The following CYP4A11 variants were observed in gnomAD, a reference collection of about 807,000 sequenced individuals.
CYP4A11 encodes the protein cytochrome P450 4A11.
In CYP4A11, 52 loss-of-function variants were observed where a neutral mutation model predicts 57.7. The ratio of observed to expected loss-of-function variants is 0.90; its 90% CI spans 0.72 to 1.14. The LOEUF (loss-of-function observed/expected upper bound fraction) is 1.14. Among genes scored for constraint, CYP4A11 ranks in the 50% most tolerant of loss-of-function variants. CYP4A11 has a pLI of 0.00. For missense variants in CYP4A11, 641 were observed against 642.1 expected (o/e 1.00, Z 0.02); for synonymous variants, 228 against 247.1 (o/e 0.92, Z 0.72).
rs967146597 is a variant in CYP4A11, at chr1:46,929,888, T to C, written c.*227A>G. On this transcript the variant is annotated 3_prime_UTR_variant, in exon 12 of 12. Transcript: ENST00000310638. The stretch of plus-strand genomic sequence containing the variant: ...CAGACATGCAAGCTCGGCCTCAGCT[T>C]CTCCCAACACTCAGCTTTTCTCCCA... The C allele has an allele frequency of 1.8e-6, 1 of 548,028 alleles. No homozygotes were observed. Among genetic ancestry groups the C allele is most frequent in the Non-Finnish European group, 3.2e-6 (1 of 310,440 alleles). The allele number at this position is 548,028 out of a possible 1,614,324, so 33.9% of individuals were successfully genotyped here.
chr1:46,933,219 A>C (rs1001481904), intron 9 of CYP4A11, among the ~76,000 whole-genome samples, 172 bp from the exon 10 acceptor site: 9 of 152,220 alleles, frequency 5.9e-5, no homozygotes, highest in African/African-American at 2.2e-4. Context: ...AAAGCATGTG[A>C]GTTCAGATGA....
Position 46,941,441 on chromosome 1 carries a change from C to T in CYP4A11, c.-8G>A. On this transcript the variant is annotated 5_prime_UTR_variant, in exon 1 of 12. Transcript: ENST00000310638. ...CAGCACAGAGACACTCATGGTGCAG[C>T]ACCTGCTGGATCTCTGAGTGCCCCT... 1 of 1,612,258 alleles carries T rather than the reference C, an allele frequency of 6.2e-7. No homozygotes were observed. The highest frequency in any genetic ancestry group is 1.1e-5 in the South Asian group (1 of 90,852).
chr1:46,936,609 G>C (rs1406969192), intron 4 of CYP4A11, 55 bp downstream of exon 4: 1 of 1,523,186 alleles, frequency 6.6e-7, no homozygotes, highest in Non-Finnish European at 8.8e-7. Flanking sequence ...GAGTGGAGTT[G>C]GTGAGAGTGT....
chr1:46,933,476 C>A (rs765835292), intron 9 of CYP4A11, among the ~76,000 whole-genome samples: 23 of 152,316 alleles, frequency 1.5e-4, no homozygotes, highest in Admixed American at 2.6e-4. Context: ...TAGGTTATGG[C>A]AGGACTGGGA....
chr1:46,937,572 G>A (rs1440897926), intron 2 of CYP4A11, among the ~76,000 whole-genome samples: 1 of 152,194 alleles, frequency 6.6e-6, no homozygotes, highest in Non-Finnish European at 1.5e-5. Context: ...GTGAATTGGT[G>A]AGAAACATAG....
chr1:46,935,414 C>G, intron 5 of CYP4A11, 109 bp downstream of exon 5: 1 of 1,517,790 alleles, frequency 6.6e-7, no homozygotes, highest in South Asian at 1.3e-5. Flanking sequence ...CAGGGACTGA[C>G]TCTTCCTTTG....
chr1:46,941,343 G>T lies in CYP4A11; in HGVS notation c.91C>A (p.Leu31Met). Reference sequence around the variant, plus strand: ...AGGTAGAGCTGAACTGCCTTGATCAGCAGCAGAAGCAGAATGAGCAGGGAG... The same window carrying T: ...AGGTAGAGCTGAACTGCCTTGATCATCAGCAGAAGCAGAATGAGCAGGGAG... ...AASLLILLLLLIKAVQLYLHR... is the reference protein window; with the variant it reads ...AASLLILLLLMIKAVQLYLHR... Residue 31 changes from leucine to methionine, a missense_variant, in exon 1 of 12, where the codon CTG becomes ATG. By Grantham distance (15) the Leu-to-Met change is conservative. Transcript: ENST00000310638. The T allele has an allele frequency of 6.2e-7, 1 of 1,614,176 alleles. No individual in the cohort carries two copies. The highest frequency in any genetic ancestry group is 8.5e-7 in the Non-Finnish European group (1 of 1,180,034).
Position 46,937,482 on chromosome 1 carries a change from A to G in CYP4A11, c.338-136T>C, listed in dbSNP as rs542231230. ...TCCCACTTGACTCCCATCCACTTCT[A>G]TTTCTGTCCTGAAGGTCAGTGTGGG... On this transcript the variant is annotated intron_variant, in intron 2 of 11. Coordinates refer to ENST00000310638, the MANE Select transcript of CYP4A11 (RefSeq NM_000778.4). 48 of 889,148 alleles carry G rather than the reference A, an allele frequency of 5.4e-5. No homozygotes were observed. The South Asian group carries it at 7.6e-4, about 14-fold the overall frequency. The allele number at this position is 889,148 out of a possible 1,614,324, so 55.1% of individuals were successfully genotyped here.
Position 46,935,656 on chromosome 1 carries a change from G to T in CYP4A11, c.511-9C>A, listed in dbSNP as rs574055681. 1.5e-5 allele frequency: 24 copies of T among 1,611,324 alleles called. No individual in the cohort carries two copies. Among genetic ancestry groups the T allele is most frequent in the Non-Finnish European group, 2.0e-5 (24 of 1,178,708 alleles). ...AGCTCTTCCCATTTGTCCTGTGGTG[G>T]GAGGGGGCATGGACCTTCTTAATCT... On this transcript the variant is annotated splice_polypyrimidine_tract_variant and intron_variant, in intron 4 of 11. Transcript: ENST00000310638.
At position 46,931,824 on chromosome 1, in the gene CYP4A11, C is replaced by A. The variant is rs532752385; in HGVS notation, c.1364+937G>T. The A allele has an allele frequency of 1.9e-4, 153 of 824,254 alleles. 1 individual carries two copies. The African/African-American group carries it at 2.4e-3, about 13-fold the overall frequency. 51.1% of individuals were successfully genotyped at this position (824,254 alleles called of 1,614,324 possible). On this transcript the variant is annotated intron_variant, in intron 11 of 11. Transcript: ENST00000310638. ...CTTTGTTTCTACTAAGAATTTATATCGTTTTTGCCTGTGTGTATGTCACAG... is the reference window on the plus strand; with the variant it reads ...CTTTGTTTCTACTAAGAATTTATATAGTTTTTGCCTGTGTGTATGTCACAG...
intron 9 of CYP4A11, 125 bp from the exon 10 acceptor site, chr1:46,933,172 G>T: frequency 7.2e-7 from 1 of 1,392,986 alleles, no homozygotes; most frequent in South Asian, 1.3e-5. Flanking sequence ...CTTTGACTGG[G>T]ATGATTCTGC....
chr1:46,930,374 T>A, intron 11 of CYP4A11, 64 bp from the exon 12 acceptor site: 3 of 1,540,968 alleles, frequency 1.9e-6, no homozygotes, highest in Non-Finnish European at 2.6e-6. Flanking sequence ...CTGAGCAGGT[T>A]TTGGCCCCTG....
intron 1 of CYP4A11, chr1:46,940,868 A>T: frequency 1.0e-6 from 1 of 985,364 alleles, no homozygotes; most frequent in African/African-American, 1.7e-5. Flanking sequence ...AGGGCCAGGC[A>T]GAGTGATGGC....
At chr1:46,936,360 G>A (rs1203600245) in intron 4 of CYP4A11, among the ~76,000 whole-genome samples, 2 of 152,210 alleles carry the variant, frequency 1.3e-5, no homozygotes, top group African/African-American at 2.4e-5. Flanking sequence ...CTACTGTCCA[G>A]CAAGATTGCA....
At chr1:46,930,829 G>C (rs9333027) in intron 11 of CYP4A11, among the ~76,000 whole-genome samples, 23,753 of 151,976 alleles carry the variant, frequency 0.16, 1,974 homozygotes, top group South Asian at 0.28. Context: ...TCCTGGAGGA[G>C]AACTGGGTGG....
At chr1:46,935,840 G>A (rs34607271) in intron 4 of CYP4A11, among the ~76,000 whole-genome samples, 193 bp from the exon 5 acceptor site, 190 of 152,310 alleles carry the variant, frequency 1.2e-3, no homozygotes, top group South Asian at 1.7e-3. Context: ...GTAAACTGAC[G>A]CCTAATTCTC....
In CYP4A11 at chr1:46,935,028, G is replaced by C. The variant is rs368465219; in HGVS notation, c.762C>G (p.Arg254=). The change falls in exon 6 of 12, where the codon CGC becomes CGG. Residue 254 remains arginine, a synonymous_variant. Coordinates refer to ENST00000310638, the MANE Select transcript of CYP4A11 (RefSeq NM_000778.4). ...TGTGCTGATGGGCCAGCTGGCAGGC[G>C]CGGTGTGTCCAGCGGCCAGCAGAGG... is the stretch of plus-strand genomic sequence containing the variant. ...SLTSAGRWTH[R]ACQLAHQHTD... is the part of the protein sequence containing the mutation. 1 of 1,613,992 alleles carries C rather than the reference G, an allele frequency of 6.2e-7. No homozygotes were observed. Among genetic ancestry groups the C allele is most frequent in the Non-Finnish European group, 8.5e-7 (1 of 1,179,988 alleles).
chr1:46,936,176 T>A (rs1224670025), intron 4 of CYP4A11, among the ~76,000 whole-genome samples: 2 of 152,236 alleles, frequency 1.3e-5, no homozygotes, highest in Non-Finnish European at 2.9e-5. Flanking sequence ...GATGATGCTA[T>A]CTATGGAAGG....
In CYP4A11 at chr1:46,930,981, C is replaced by G. The variant is rs899654142; in HGVS notation, c.1365-671G>C. On this transcript the variant is annotated intron_variant, in intron 11 of 11. Coordinates refer to ENST00000310638, the MANE Select transcript of CYP4A11 (RefSeq NM_000778.4). ...CCTTGCCCTTCCTCAGTATTCTTGC[C>G]TGGACTTTATGGTTTTCTGCTTCCC... 7.2e-4 allele frequency among the ~76,000 whole-genome samples: 109 copies of G among 152,290 alleles called. 2 individuals are homozygous for G. Among genetic ancestry groups the G allele is most frequent in the South Asian group, 1.2e-3 (6 of 4,824 alleles).
Sources: gnomAD v4.1 joint callset for allele counts (sites outside exome capture counted in the v4.1 genomes callset) on GRCh38, gnomAD v4.1.1 for gene constraint, MANE v1.5 for transcripts, NCBI Gene and HGNC (gene_info 2026-07-23, HGNC 2026-07-21) for gene names.